MTSS1: variants seen among roughly 807,000 people sequenced by gnomAD.
MTSS1 encodes protein MTSS 1.
In MTSS1, 18 loss-of-function variants were observed where a neutral mutation model predicts 79.0. The ratio of observed to expected loss-of-function variants is 0.23; its 90% confidence interval spans 0.16 to 0.34. MTSS1 has a LOEUF of 0.34. MTSS1 is among the 10% of genes least tolerant of loss of function. The pLI, the probability that MTSS1 is intolerant of heterozygous loss-of-function variation, is 1.00. For missense variants in MTSS1, 815 were observed against 986.2 expected, an observed-to-expected ratio of 0.83 and a Z score of 2.33; for synonymous variants, 341 against 368.6, an observed-to-expected ratio of 0.93 and a Z score of 0.86.
intron 2 of MTSS1, among the ~76,000 whole-genome samples, chr8:124,702,945 T>C (rs1247952707): frequency 6.6e-6 from 1 of 152,198 alleles, no homozygotes; most frequent in African/African-American, 2.4e-5. Context: ...TATCACATGA[T>C]ATATGAACAA....
At chr8:124,688,908 G>A (rs1401370255) in intron 3 of MTSS1, among the ~76,000 whole-genome samples, 1 of 151,300 alleles carries the variant, frequency 6.6e-6, no homozygotes, top group African/African-American at 2.4e-5. Flanking sequence ...AAATGAAAAT[G>A]TTGCACTAGA....
intron 3 of MTSS1, among the ~76,000 whole-genome samples, chr8:124,626,100 T>C (rs933447991): frequency 2.0e-5 from 3 of 152,270 alleles, no homozygotes; most frequent in Middle Eastern, 3.4e-3. Context: ...GGCACCATGT[T>C]GAAAAGGATG....
chr8:124,601,678 G>A lies in MTSS1; in HGVS notation c.209-10443C>T, dbSNP rs112994510. On this transcript the variant is annotated intron_variant, in intron 3 of 13. Coordinates refer to ENST00000518547, the MANE Select transcript of MTSS1 (RefSeq NM_014751.6). ...GCCCGGGTGTTGCATCACAGAAGTT[G>A]CCTCAGCGTGCATCACTGCCACTCT... 5.4e-3 allele frequency among the ~76,000 whole-genome samples: 822 copies of A among 152,286 alleles called. 4 individuals carry two copies. Among genetic ancestry groups the A allele is most frequent in the African/African-American group, 0.019 (793 of 41,556 alleles).
chr8:124,573,924 GA>G (rs1828409205), intron 6 of MTSS1, among the ~76,000 whole-genome samples: 1 of 152,252 alleles, frequency 6.6e-6, no homozygotes, highest in Admixed American at 6.5e-5. Flanking sequence ...TCTCTTTGCA[GA>G]AAATGTTCCT....
At chr8:124,712,007 GA>G (rs113611055) in intron 1 of MTSS1, among the ~76,000 whole-genome samples, 2,541 of 102,606 alleles carry the variant, frequency 0.025, 61 homozygotes, top group African/African-American at 0.074. Context: ...GACTGTCTCA[GA>G]AAAAAAAAAA....
chr8:124,666,945 C>G (rs147579823), intron 3 of MTSS1, among the ~76,000 whole-genome samples: 2 of 152,018 alleles, frequency 1.3e-5, no homozygotes, highest in African/African-American at 2.4e-5. Context: ...AAGAAGCCAG[C>G]GGGAATAAGG....
Position 124,683,280 on chromosome 8 carries a change from G to A in MTSS1, c.208+16246C>T, listed in dbSNP as rs1826429340. Among the ~76,000 whole-genome samples, 1 of 151,934 alleles carries A rather than the reference G, an allele frequency of 6.6e-6. No homozygotes were observed. The highest frequency in any genetic ancestry group is 2.1e-4 in the South Asian group (1 of 4,812). On this transcript the variant is annotated intron_variant, in intron 3 of 13. Coordinates refer to ENST00000518547, the MANE Select transcript of MTSS1 (RefSeq NM_014751.6). The surrounding 1 kb of genome is among the most constrained non-coding windows in gnomAD (Gnocchi z 4.5). ...AAAAAATGAAATTTAAAAAATGGAA[G>A]AAAAACAATGACCCCAAAATCCTCA...
At chr8:124,671,337 C>CA (rs1225871280) in intron 3 of MTSS1, among the ~76,000 whole-genome samples, 5 of 152,170 alleles carry the variant, frequency 3.3e-5, no homozygotes, top group Non-Finnish European at 5.9e-5. Context: ...CACAGTCATG[C>CA]ATGGGTACCA....
chr8:124,696,116 T>A (rs1587854262), intron 3 of MTSS1, among the ~76,000 whole-genome samples: 1 of 152,150 alleles, frequency 6.6e-6, no homozygotes, highest in East Asian at 1.9e-4. Flanking sequence ...GCCTCCCAAG[T>A]AGCTGGGATT....
chr8:124,667,007 A>T (rs1465557729), intron 3 of MTSS1, among the ~76,000 whole-genome samples: 3 of 152,252 alleles, frequency 2.0e-5, no homozygotes, highest in Non-Finnish European at 4.4e-5. Flanking sequence ...AAATGAACCC[A>T]AGACAAATCT....
chr8:124,621,055 TC>T (rs1160678503), intron 3 of MTSS1, among the ~76,000 whole-genome samples: 3 of 152,142 alleles, frequency 2.0e-5, no homozygotes, highest in Middle Eastern at 3.4e-3. Context: ...CTGGAATCCC[TC>T]CACTGATAAA....
At chr8:124,726,225 G>C (rs1411842846) in intron 1 of MTSS1, among the ~76,000 whole-genome samples, 1 of 152,216 alleles carries the variant, frequency 6.6e-6, no homozygotes, top group East Asian at 1.9e-4. Context: ...AAGCAGGACA[G>C]CCCACCCTTT....
At position 124,551,416 on chromosome 8, in the gene MTSS1, A is replaced by G. The variant is rs916159924; in HGVS notation, c.*1576T>C. On this transcript the variant is annotated 3_prime_UTR_variant, in exon 14 of 14. Coordinates refer to ENST00000518547, the MANE Select transcript of MTSS1 (RefSeq NM_014751.6). ...TCCTTGAGCAATCGCAGCAGTGTTC[A>G]ATGTTAATATATAGAACAATGACCA... 3.3e-5 allele frequency: 5 copies of G among 152,684 alleles called. No individual in the cohort carries two copies. The highest frequency in any genetic ancestry group is 2.0e-4 in the Admixed American group (3 of 15,276). The allele number at this position is 152,684 out of a possible 1,614,324, so 9.5% of individuals were successfully genotyped here.
At chr8:124,646,712 G>C (rs1029222998) in intron 3 of MTSS1, among the ~76,000 whole-genome samples, 1 of 151,862 alleles carries the variant, frequency 6.6e-6, no homozygotes, top group African/African-American at 2.4e-5. Flanking sequence ...TTAATATCTT[G>C]AAGGAAAATT....
At chr8:124,602,496 G>A (rs913357113) in intron 3 of MTSS1, among the ~76,000 whole-genome samples, 4 of 151,972 alleles carry the variant, frequency 2.6e-5, no homozygotes, top group Admixed American at 1.3e-4. Flanking sequence ...CACCATGCCC[G>A]GCCTCATAAT....
intron 3 of MTSS1, among the ~76,000 whole-genome samples, chr8:124,697,880 TC>T (rs1276118401): frequency 6.6e-6 from 1 of 152,200 alleles, no homozygotes; most frequent in Admixed American, 6.5e-5. Context: ...TGTCACATTC[TC>T]CAAGGGAATG....
intron 3 of MTSS1, among the ~76,000 whole-genome samples, chr8:124,620,954 C>T (rs1016039418): frequency 8.5e-5 from 13 of 152,262 alleles, no homozygotes; most frequent in Admixed American, 2.6e-4. Flanking sequence ...AGAGGTCATC[C>T]GCACCCACAT....
chr8:124,617,959 C>T (rs1812722737), intron 3 of MTSS1, among the ~76,000 whole-genome samples: 2 of 152,188 alleles, frequency 1.3e-5, no homozygotes, highest in South Asian at 4.1e-4. Flanking sequence ...CGCCCTGACT[C>T]TATTTTTGGG....
Position 124,582,915 on chromosome 8 carries a change from C to T in MTSS1, c.460+2172G>A, listed in dbSNP as rs923565668. On this transcript the variant is annotated intron_variant, in intron 6 of 13. Transcript: ENST00000518547. The surrounding 1 kb of genome is among the most constrained non-coding windows in gnomAD (Gnocchi z 4.8). ...GAGCTCTCCATAAAAGATTCCAGTC[C>T]GAATGTGACTCTAGTACCTTTCAGA... 3.3e-5 allele frequency among the ~76,000 whole-genome samples: 5 copies of T among 152,132 alleles called. No individual in the cohort carries two copies. Among genetic ancestry groups the T allele is most frequent in the African/African-American group, 9.7e-5 (4 of 41,426 alleles).
Sources: allele counts gnomAD v4.1 joint callset (sites outside exome capture counted in the v4.1 genomes callset), GRCh38; gene constraint gnomAD v4.1.1; non-coding constraint Gnocchi (gnomAD v3.1); transcripts MANE v1.5; gene names NCBI Gene and HGNC (gene_info 2026-07-23, HGNC 2026-07-21).